NID1: variants seen among roughly 807,000 people sequenced by gnomAD.
NID1 encodes the protein nidogen 1.
In NID1, 76 loss-of-function variants were observed where a neutral mutation model predicts 130.6. That is an observed-to-expected ratio of 0.58 (90% CI 0.48 to 0.70). The LOEUF (loss-of-function observed/expected upper bound fraction) is 0.70, where lower values mean the gene tolerates loss of function less well. Ranked by LOEUF, NID1 falls within the 30% of genes least tolerant of loss-of-function variation. The pLI is 0.00. For missense variants in NID1, 1,517 were observed against 1,664.8 expected, an observed-to-expected ratio of 0.91 and a Z score of 1.54; for synonymous variants, 665 against 675.1, an observed-to-expected ratio of 0.98 and a Z score of 0.23.
chr1:236,005,221 C>T (rs1658213768), intron 12 of NID1, among the ~76,000 whole-genome samples: 1 of 139,870 alleles, frequency 7.1e-6, no homozygotes, highest in South Asian at 2.2e-4. Context: ...AGAGAAGGCC[C>T]AGATATAGGC....
intron 7 of NID1, among the ~76,000 whole-genome samples, chr1:236,027,486 A>T (rs1422275162): frequency 6.6e-6 from 1 of 152,160 alleles, no homozygotes; most frequent in Non-Finnish European, 1.5e-5. Flanking sequence ...CCAAGCCACA[A>T]AACTCCAGTA....
At chr1:235,994,206 A>C (rs1657855093) in intron 12 of NID1, among the ~76,000 whole-genome samples, 1 of 152,246 alleles carries the variant, frequency 6.6e-6, no homozygotes, top group South Asian at 2.1e-4. Flanking sequence ...CCTGTTGCCC[A>C]GGCTGGAGTG....
Position 236,042,111 on chromosome 1 carries a change from G to A in NID1, c.934C>T (p.Pro312Ser). 1 of 1,614,138 alleles carries A rather than the reference G, an allele frequency of 6.2e-7. No individual in the cohort carries two copies. Among genetic ancestry groups the A allele is most frequent in the Non-Finnish European group, 8.5e-7 (1 of 1,180,030 alleles). ...RLGLEDVGTT[P>S]FSYKALRRGG... ...CTTCTCAGAGCCTTGTAGGAGAAGG[G>A]CGTGGTGCCCACATCCTCCAGGCCC... The change falls in exon 4 of 20, where the codon CCC becomes TCC. Residue 312 changes from proline to serine, a missense_variant. Physicochemically the swap from Pro to Ser is moderately conservative, Grantham distance 74. Around this residue, in one of 3 missense-constraint regions of NID1, gnomAD observed 1,329 missense variants for 1,429.2 expected, o/e 0.93. Coordinates refer to ENST00000264187, the MANE Select transcript of NID1 (RefSeq NM_002508.3).
At position 236,041,968 on chromosome 1, in the gene NID1, A is replaced by G. The variant is rs772076096; in HGVS notation, c.1077T>C (p.Thr359=). The change falls in exon 4 of 20, where the codon ACT becomes ACC. Residue 359 remains threonine, a synonymous_variant. Transcript: ENST00000264187. ...TGACCTGAGGGTGCTGCTGGTGAAA[A>G]GTCTCCACTGCCAACTGGAAAGACC... The part of the protein sequence containing the change: ...RTRSFQLAVE[T]FHQQHPQVID... 2 of 1,614,004 alleles carry G rather than the reference A, an allele frequency of 1.2e-6. No individual in the cohort carries two copies. Among genetic ancestry groups the G allele is most frequent in the Non-Finnish European group, 8.5e-7 (1 of 1,179,982 alleles).
chr1:236,006,144 T>C (rs1472253676), intron 12 of NID1, among the ~76,000 whole-genome samples: 1 of 152,236 alleles, frequency 6.6e-6, no homozygotes, highest in Non-Finnish European at 1.5e-5. Flanking sequence ...TTAGCTGTTA[T>C]TTCATTGCAG....
chr1:236,028,438 G>A (rs750971258), intron 7 of NID1, among the ~76,000 whole-genome samples: 5 of 152,138 alleles, frequency 3.3e-5, no homozygotes, highest in Admixed American at 2.6e-4. Context: ...AGCCCAGGAG[G>A]TTGAGGCTGC....
intron 4 of NID1, among the ~76,000 whole-genome samples, chr1:236,038,617 T>C (rs1019619324): frequency 2.6e-5 from 4 of 151,470 alleles, no homozygotes; most frequent in Non-Finnish European, 5.9e-5. Flanking sequence ...GTGAGAACAA[T>C]GAGCTTCATG....
chr1:236,047,349 C>T (rs1271561172), intron 2 of NID1, among the ~76,000 whole-genome samples: 3 of 152,060 alleles, frequency 2.0e-5, no homozygotes, highest in Non-Finnish European at 4.4e-5. Flanking sequence ...GCTTTGGGAC[C>T]CTTCAAGTTT....
In NID1 at chr1:236,045,697, T is replaced by A; in HGVS notation, c.526-14A>T. 6.3e-7 allele frequency: 1 copy of A among 1,589,048 alleles called. No homozygotes were observed. Among genetic ancestry groups the A allele is most frequent in the African/African-American group, 1.3e-5 (1 of 74,206 alleles). On this transcript the variant is annotated splice_polypyrimidine_tract_variant and intron_variant, in intron 2 of 19. Transcript: ENST00000264187. ...GAACGTGTTTCTCTGTGAAGATGAG[T>A]TAAAATTCAGTTACTCGGAAAAATA...
intron 12 of NID1, among the ~76,000 whole-genome samples, chr1:235,994,841 C>T (rs971883730): frequency 6.6e-6 from 1 of 152,120 alleles, no homozygotes; most frequent in Admixed American, 6.5e-5. Flanking sequence ...GGATTACAGG[C>T]AAGCACCACC....
At chr1:236,031,188 G>A (rs899556010) in intron 6 of NID1, among the ~76,000 whole-genome samples, 9 of 151,590 alleles carry the variant, frequency 5.9e-5, no homozygotes, top group African/African-American at 1.7e-4. Flanking sequence ...GCACGATCTC[G>A]GCTCACTGCA....
chr1:236,025,102 C>A (rs1042244293), intron 8 of NID1, among the ~76,000 whole-genome samples: 8 of 151,696 alleles, frequency 5.3e-5, no homozygotes, highest in African/African-American at 1.9e-4. Context: ...CAGCCACACA[C>A]CACCACACCC....
In NID1 at chr1:235,992,868, C is replaced by T. The variant is rs74149223; in HGVS notation, c.2755+777G>A. On this transcript the variant is annotated intron_variant, in intron 13 of 19. Transcript: ENST00000264187. ...TGGAGATTCAAAGATTCATTATATT[C>T]GCTTTTGGTAGTTTGTGACAATAAC... is the stretch of plus-strand genomic sequence containing the variant. Among the ~76,000 whole-genome samples the T allele has an allele frequency of 4.4e-3, 673 of 152,302 alleles. 5 individuals carry two copies. Among genetic ancestry groups the T allele is most frequent in the African/African-American group, 0.015 (630 of 41,568 alleles).
At chr1:235,980,219 C>A (rs1398775911) in intron 17 of NID1, among the ~76,000 whole-genome samples, 2 of 152,294 alleles carry the variant, frequency 1.3e-5, no homozygotes, top group East Asian at 3.9e-4. Flanking sequence ...GTGCCACTTA[C>A]AACACGAGGG....
intron 1 of NID1, among the ~76,000 whole-genome samples, chr1:236,052,635 C>A (rs989487050): frequency 3.3e-5 from 5 of 152,178 alleles, no homozygotes; most frequent in African/African-American, 1.2e-4. Context: ...CTGGAGCCAC[C>A]GTCTGTGTGG....
intron 1 of NID1, 27 bp from the exon 2 acceptor site, chr1:236,049,016 G>C: frequency 6.2e-7 from 1 of 1,604,632 alleles, no homozygotes; most frequent in Non-Finnish European, 8.5e-7. Context: ...GTGGTTAAAA[G>C]GAATGCAGAA....
chr1:236,041,126 G>GA (rs1250305388), intron 4 of NID1, among the ~76,000 whole-genome samples: 1 of 152,062 alleles, frequency 6.6e-6, no homozygotes, highest in Non-Finnish European at 1.5e-5. Context: ...GGAGTGCAGT[G>GA]GCATGATCTC....
chr1:236,023,882 G>T (rs1006615110), intron 9 of NID1, among the ~76,000 whole-genome samples, 188 bp downstream of exon 9: 1 of 152,180 alleles, frequency 6.6e-6, no homozygotes, highest in Non-Finnish European at 1.5e-5. Context: ...AAAAGAATGG[G>T]CCAGTACTCC....
chr1:236,043,084 C>A (rs73115292), intron 3 of NID1, among the ~76,000 whole-genome samples: 1 of 152,200 alleles, frequency 6.6e-6, no homozygotes, highest in Non-Finnish European at 1.5e-5. Flanking sequence ...TACTCAGAGA[C>A]GGCATAGAAA....
Sources: allele counts gnomAD v4.1 joint callset (sites outside exome capture counted in the v4.1 genomes callset), GRCh38; gene constraint gnomAD v4.1.1; regional missense constraint gnomAD v4.1.1; transcripts MANE v1.5; gene names NCBI Gene and HGNC (gene_info 2026-07-23, HGNC 2026-07-21).